EFNA5: variants seen among roughly 807,000 people sequenced by gnomAD.
The protein encoded by EFNA5 is ephrin-A5.
EFNA5 carries 5 observed loss-of-function variants against 22.9 expected under a neutral mutation model. The observed-to-expected ratio is 0.22, with a 90% CI of 0.11 to 0.46. The LOEUF (loss-of-function observed/expected upper bound fraction) is 0.46. Ranked by LOEUF, EFNA5 falls within the 20% of genes least tolerant of loss-of-function variation. EFNA5 has a pLI of 0.99. For missense variants in EFNA5, 237 were observed against 293.3 expected, an observed-to-expected ratio of 0.81 and a Z score of 1.40; for synonymous variants, 113 against 112.2, an observed-to-expected ratio of 1.01 and a Z score of -0.04.
chr5:107,499,780 T>A (rs915752871), intron 1 of EFNA5, among the ~76,000 whole-genome samples: 5 of 152,174 alleles, frequency 3.3e-5, no homozygotes, highest in African/African-American at 1.2e-4. Flanking sequence ...CTCCACCACT[T>A]CATTGCACTA....
intron 1 of EFNA5, among the ~76,000 whole-genome samples, chr5:107,631,653 A>G (rs1750255827): frequency 6.6e-6 from 1 of 152,138 alleles, no homozygotes; most frequent in Non-Finnish European, 1.5e-5. Flanking sequence ...AAACATAAAT[A>G]TTTATACCTT....
chr5:107,605,183 C>T lies in EFNA5; in HGVS notation c.125+65306G>A, dbSNP rs888266555. Among the ~76,000 whole-genome samples, 6 of 152,028 alleles carry T rather than the reference C, an allele frequency of 3.9e-5. No homozygotes were observed. The East Asian group carries it at 5.8e-4, about 15-fold the overall frequency. On this transcript the variant is annotated intron_variant, in intron 1 of 4. Coordinates refer to ENST00000333274, the MANE Select transcript of EFNA5 (RefSeq NM_001962.3). ...GGGAAGCAGAGCTAACTAGAGGCAG[C>T]TGTTAGGATGTGGTTTCTGTGTTTA...
chr5:107,632,744 G>C (rs1750282880), intron 1 of EFNA5, among the ~76,000 whole-genome samples: 1 of 152,096 alleles, frequency 6.6e-6, no homozygotes, highest in Non-Finnish European at 1.5e-5. Context: ...AAATTCAGAG[G>C]CTGTGTCTCA....
At chr5:107,501,246 TA>T (rs1221285481) in intron 1 of EFNA5, among the ~76,000 whole-genome samples, 5 of 152,372 alleles carry the variant, frequency 3.3e-5, no homozygotes, top group South Asian at 2.1e-4. Flanking sequence ...ATTTTGTAAA[TA>T]TTTTTTTAAA....
At chr5:107,503,155 A>G (rs1323793476) in intron 1 of EFNA5, among the ~76,000 whole-genome samples, 1 of 152,128 alleles carries the variant, frequency 6.6e-6, no homozygotes, top group Non-Finnish European at 1.5e-5. Context: ...CAGGTCATCT[A>G]TTGCCAATAA....
At chr5:107,432,178 A>T in intron 1 of EFNA5, among the ~76,000 whole-genome samples, 1 of 152,224 alleles carries the variant, frequency 6.6e-6, no homozygotes, top group Non-Finnish European at 1.5e-5. Context: ...ATTTAGAATA[A>T]GCCTCAGATT....
Position 107,397,897 on chromosome 5 carries a change from T to C in EFNA5, c.419-10126A>G, listed in dbSNP as rs1321078663. Reference sequence around the variant, plus strand: ...GGACAGCCAATCTCAGGGACTAAATTCTAGTTTACTCTGATTGTCTCTGAG... The same window carrying C: ...GGACAGCCAATCTCAGGGACTAAATCCTAGTTTACTCTGATTGTCTCTGAG... On this transcript the variant is annotated intron_variant, in intron 2 of 4. Coordinates refer to ENST00000333274, the MANE Select transcript of EFNA5 (RefSeq NM_001962.3). Among the ~76,000 whole-genome samples, 5 of 152,220 alleles carry C rather than the reference T, an allele frequency of 3.3e-5. No individual in the cohort carries two copies. The East Asian group carries it at 7.7e-4, about 23-fold the overall frequency.
In EFNA5 at chr5:107,670,658, G is replaced by T; in HGVS notation, c.-45C>A. On this transcript the variant is annotated 5_prime_UTR_variant, in exon 1 of 5. Coordinates refer to ENST00000333274, the MANE Select transcript of EFNA5 (RefSeq NM_001962.3). The stretch of plus-strand genomic sequence containing the variant: ...AGCCCCCGACGCGCCACTCCGGGGA[G>T]AGAGCGGGGATCCGGAGGGAGGGAG... The T allele has an allele frequency of 6.3e-7, 1 of 1,584,908 alleles. No homozygotes were observed.
At chr5:107,651,467 TCTAA>T (rs1489101968) in intron 1 of EFNA5, among the ~76,000 whole-genome samples, 1 of 152,042 alleles carries the variant, frequency 6.6e-6, no homozygotes, top group Non-Finnish European at 1.5e-5. Context: ...AAGCCTGTAC[TCTAA>T]CTAGGAAGGT....
intron 1 of EFNA5, among the ~76,000 whole-genome samples, chr5:107,521,692 A>G (rs952109953): frequency 2.0e-5 from 3 of 152,080 alleles, no homozygotes; most frequent in South Asian, 4.1e-4. Flanking sequence ...ACTGTACTGC[A>G]TATCGCCAGC....
At chr5:107,433,743 T>G (rs1441364753) in intron 1 of EFNA5, among the ~76,000 whole-genome samples, 1 of 151,786 alleles carries the variant, frequency 6.6e-6, no homozygotes, top group African/African-American at 2.4e-5. Context: ...AAACATTTTT[T>G]TAAAAAAATT....
intron 1 of EFNA5, among the ~76,000 whole-genome samples, chr5:107,563,819 T>C (rs1485684964): frequency 6.6e-6 from 1 of 152,212 alleles, no homozygotes; most frequent in African/African-American, 2.4e-5. Flanking sequence ...AGCAGACTCC[T>C]AACTGGGCTT....
chr5:107,390,905 TC>T (rs1356233935), intron 2 of EFNA5, among the ~76,000 whole-genome samples: 1 of 152,160 alleles, frequency 6.6e-6, no homozygotes, highest in East Asian at 1.9e-4. Flanking sequence ...ATGCCTGCAA[TC>T]CCAACACTGT....
At chr5:107,553,316 A>T (rs1449622971) in intron 1 of EFNA5, among the ~76,000 whole-genome samples, 1 of 152,152 alleles carries the variant, frequency 6.6e-6, no homozygotes. Context: ...AACGTTAGGG[A>T]AGAGAAATAT....
rs570001956 is a variant in EFNA5, at chr5:107,392,060, T to C, written c.419-4289A>G. 4.6e-5 allele frequency among the ~76,000 whole-genome samples: 7 copies of C among 152,338 alleles called. No individual in the cohort carries two copies. In the South Asian group the frequency reaches 1.4e-3, roughly 32 times the overall value. On this transcript the variant is annotated intron_variant, in intron 2 of 4. Transcript: ENST00000333274. ...AATCAGTACTTCTAAAAGTTATATT[T>C]AGCAATGCAAATATATGTAACATTC...
intron 1 of EFNA5, among the ~76,000 whole-genome samples, chr5:107,532,644 C>T (rs1356702516): frequency 6.6e-6 from 1 of 152,192 alleles, no homozygotes; most frequent in African/African-American, 2.4e-5. Context: ...TGGTCCTCTA[C>T]CACAATTGGA....
At chr5:107,560,563 T>C (rs565309653) in intron 1 of EFNA5, among the ~76,000 whole-genome samples, 4 of 152,328 alleles carry the variant, frequency 2.6e-5, no homozygotes, top group Non-Finnish European at 5.9e-5. Flanking sequence ...ACTGTGCTCA[T>C]ACTTTAGCTG....
chr5:107,458,944 T>C (rs2079652877), intron 1 of EFNA5, among the ~76,000 whole-genome samples: 1 of 152,206 alleles, frequency 6.6e-6, no homozygotes, highest in African/African-American at 2.4e-5. Flanking sequence ...TTGTTGATTC[T>C]CTATAAAGGA....
At chr5:107,494,699 C>T (rs905628023) in intron 1 of EFNA5, among the ~76,000 whole-genome samples, 3 of 152,228 alleles carry the variant, frequency 2.0e-5, no homozygotes, top group African/African-American at 7.2e-5. Context: ...ATGTCTCTAG[C>T]TCAGGGACTG....
Sources: allele counts gnomAD v4.1 joint callset (sites outside exome capture counted in the v4.1 genomes callset), GRCh38; gene constraint gnomAD v4.1.1; transcripts MANE v1.5; gene names NCBI Gene and HGNC (gene_info 2026-07-23, HGNC 2026-07-21).